The following C4orf50 variants were observed in gnomAD, a reference collection of about 807,000 sequenced individuals.
C4orf50 encodes uncharacterized protein C4orf50.
Under a neutral mutation model 77.2 loss-of-function variants are expected in C4orf50, and 80 were observed. The observed-to-expected ratio is 1.04, with a 90% CI of 0.87 to 1.25. C4orf50 has a LOEUF of 1.25. Ranked by LOEUF, C4orf50 falls within the 50% of genes most tolerant of loss-of-function variation. The pLI is 0.00. For synonymous variants in C4orf50, 532 were observed against 465.3 expected, an observed-to-expected ratio of 1.14 and a Z score of -1.84; for missense variants, 1,257 against 1,152.9, an observed-to-expected ratio of 1.09 and a Z score of -1.31.
At position 5,992,141 on chromosome 4, in the gene C4orf50, G is replaced by A. The variant is rs1406168936; in HGVS notation, c.1221+662C>T. Among the ~76,000 whole-genome samples the A allele has an allele frequency of 1.3e-5, 2 of 152,210 alleles. No homozygotes were observed. Among genetic ancestry groups the A allele is most frequent in the Admixed American group, 6.5e-5 (1 of 15,278 alleles). ...CCCTGGGCTTCAAGGGAAGGGGGCG[G>A]TGAGGAGCGAGGCATATAGGGATGT... On this transcript the variant is annotated intron_variant, in intron 27 of 33. Transcript: ENST00000531445. This position sits in a 1 kb window ranked among gnomAD's most constrained non-coding sequence, Gnocchi z 5.0.
intron 31 of C4orf50, 109 bp from the exon 10 acceptor site, chr4:5,967,571 A>C (rs1577943557): frequency 1.0e-6 from 1 of 974,728 alleles, no homozygotes; most frequent in Non-Finnish European, 1.6e-6. Context: ...CCCGCAAAAA[A>C]CCGCTTTCTG....
chr4:5,973,673 G>A (rs1337245105), exon 31 of C4orf50: 2 of 1,612,964 alleles, frequency 1.2e-6, no homozygotes. Context: ...GGGACTCCCG[G>A]AGCCAGGAAG....
intron 7 of C4orf50, among the ~76,000 whole-genome samples, chr4:5,926,844 CA>C (rs992680226): frequency 2.6e-5 from 4 of 152,202 alleles, no homozygotes; most frequent in African/African-American, 9.6e-5. Context: ...GAGGGGGAAC[CA>C]AAGTGGCTCT....
intron 33 of C4orf50, among the ~76,000 whole-genome samples, chr4:5,962,886 T>C (rs1219588225): frequency 6.6e-6 from 1 of 152,202 alleles, no homozygotes; most frequent in Non-Finnish European, 1.5e-5. Context: ...TCCTCATACT[T>C]TATGCTCCAG....
intron 25 of C4orf50, among the ~76,000 whole-genome samples, chr4:6,004,124 A>ATG (rs1560598557): frequency 3.0e-4 from 6 of 19,746 alleles, no homozygotes; most frequent in Admixed American, 9.5e-4. Context: ...TGATGGTGAT[A>ATG]GTGATGATGG....
intron 25 of C4orf50, among the ~76,000 whole-genome samples, chr4:6,004,411 T>TGATGGCAA: frequency 7.8e-5 from 1 of 12,852 alleles, no homozygotes. Flanking sequence ...GATGGAGATG[T>TGATGGCAA]TGGTGATGAT....
intron 7 of C4orf50, among the ~76,000 whole-genome samples, chr4:5,926,868 T>C (rs1309948514): frequency 6.6e-6 from 1 of 152,200 alleles, no homozygotes; most frequent in Non-Finnish European, 1.5e-5. Flanking sequence ...GGCTCATCCA[T>C]ATTCATTCAT....
chr4:5,912,138 G>A (rs993964224), intron 7 of C4orf50, among the ~76,000 whole-genome samples: 4 of 151,976 alleles, frequency 2.6e-5, no homozygotes, highest in Non-Finnish European at 4.4e-5. Flanking sequence ...TTTAATTTCC[G>A]TGGTGTAAAC....
At position 6,011,242 on chromosome 4, in the gene C4orf50, G is replaced by A. The variant is rs189943264; in HGVS notation, c.426+588C>T. On this transcript the variant is annotated intron_variant, in intron 24 of 33. Transcript: ENST00000531445. This position sits in a 1 kb window ranked among gnomAD's most constrained non-coding sequence, Gnocchi z 4.2. ...TGTATTCAGAATTGGGCCATGCAGC[G>A]GAGTTGGCCACCTGGCCCCTCTGGA... 6.6e-5 allele frequency among the ~76,000 whole-genome samples: 10 copies of A among 152,258 alleles called. No individual in the cohort carries two copies. Among genetic ancestry groups the A allele is most frequent in the African/African-American group, 1.4e-4 (6 of 41,550 alleles).
At chr4:6,014,437 G>T (rs1722607520) in intron 23 of C4orf50, among the ~76,000 whole-genome samples, 1 of 152,206 alleles carries the variant, frequency 6.6e-6, no homozygotes, top group Non-Finnish European at 1.5e-5. Context: ...TATGCAAAAT[G>T]ATAGTGTTAT....
rs1311434349 is a variant in C4orf50 at position 5,973,787 on chromosome 4, G to A, written c.3976C>T (p.His1326Tyr). The A allele has an allele frequency of 7.4e-6, 12 of 1,613,592 alleles. 1 individual carries two copies. In the Admixed American group the frequency reaches 1.2e-4, roughly 16 times the overall value. The change falls in exon 31 of 34, where the codon CAC becomes TAC. Residue 1326 changes from histidine (H) to tyrosine (Y), a missense_variant. Coordinates refer to ENST00000531445, the Ensembl canonical transcript of C4orf50. Reference sequence around the variant, plus strand: ...TGTCTGTGCAGCTCCTGCAGCAGGTGGGTGATCAGGCGGTTCCTCTCCCGG... The same window carrying A: ...TGTCTGTGCAGCTCCTGCAGCAGGTAGGTGATCAGGCGGTTCCTCTCCCGG...
intron 7 of C4orf50, among the ~76,000 whole-genome samples, chr4:5,947,397 G>A (rs1718530182): frequency 6.6e-6 from 1 of 152,228 alleles, no homozygotes; most frequent in African/African-American, 2.4e-5. Context: ...TGAGGTGGCT[G>A]ATGAGAAAGG....
At chr4:5,967,176 G>A (rs990504446) in intron 32 of C4orf50, among the ~76,000 whole-genome samples, 1 of 152,202 alleles carries the variant, frequency 6.6e-6, no homozygotes, top group African/African-American at 2.4e-5. Context: ...TGAGTTTCCA[G>A]GAGTGAAACT....
chr4:5,989,452 G>T, exon 28 of C4orf50: 1 of 1,536,030 alleles, frequency 6.5e-7, no homozygotes, highest in South Asian at 1.2e-5. Flanking sequence ...TTCTTCATTA[G>T]AACAAATACC....
chr4:5,991,698 G>A (rs1477834301), intron 27 of C4orf50, among the ~76,000 whole-genome samples: 2 of 152,152 alleles, frequency 1.3e-5, no homozygotes, highest in Non-Finnish European at 2.9e-5. Flanking sequence ...ATAGCTGGGA[G>A]AGGCTGAGCA....
intron 7 of C4orf50, among the ~76,000 whole-genome samples, chr4:5,921,154 G>A (rs10008569): frequency 0.34 from 51,264 of 152,170 alleles, 10,951 homozygotes; most frequent in East Asian, 0.76. Context: ...GCCCTTCCAC[G>A]CTGAGGGAGG....
rs1184166382 is a variant in C4orf50, at chr4:6,018,056, G to C, written c.287+89C>G. 5.0e-6 allele frequency: 2 copies of C among 397,754 alleles called. No homozygotes were observed. The highest frequency in any genetic ancestry group is 2.1e-5 in the African/African-American group (1 of 48,736). The allele number at this position is 397,754 out of a possible 1,614,324, so 24.6% of individuals were successfully genotyped here. On this transcript the variant is annotated intron_variant, in intron 23 of 33. Transcript: ENST00000531445. This position sits in a 1 kb window ranked among gnomAD's most constrained non-coding sequence, Gnocchi z 5.1. ...TTGGTGAGCCAGTTTCCCCAGCTGT[G>C]TGGTGTGATTCAACACACCATGGTG...
At position 6,017,202 on chromosome 4, in the gene C4orf50, C is replaced by G. The variant is rs537543067; in HGVS notation, c.287+943G>C. ...CCTATTTCAAAGATGACAGCAGAGT[C>G]CAAAGGCCAGACAGAGACAGGCAGC... On this transcript the variant is annotated intron_variant, in intron 23 of 33. Transcript: ENST00000531445. This position sits in a 1 kb window ranked among gnomAD's most constrained non-coding sequence, Gnocchi z 4.7. Among the ~76,000 whole-genome samples, 4 of 152,330 alleles carry G rather than the reference C, an allele frequency of 2.6e-5. No homozygotes were observed. The East Asian group carries it at 7.7e-4, about 29-fold the overall frequency.
At chr4:6,003,172 T>C (rs377597560) in intron 25 of C4orf50, among the ~76,000 whole-genome samples, 120 of 152,320 alleles carry the variant, frequency 7.9e-4, no homozygotes, top group African/African-American at 2.9e-3. Flanking sequence ...CACAGGCTGC[T>C]GGGACACAGG....
Sources: gnomAD v4.1 joint callset for allele counts (sites outside exome capture counted in the v4.1 genomes callset) on GRCh38, gnomAD v4.1.1 for gene constraint, Gnocchi (gnomAD v3.1) non-coding constraint, MANE v1.5 for transcripts, NCBI Gene and HGNC (gene_info 2026-07-23, HGNC 2026-07-21) for gene names.